SMURF1: variants seen among roughly 807,000 people sequenced by gnomAD.
SMURF1 encodes E3 ubiquitin-protein ligase SMURF1.
A neutral mutation model predicts 98.0 loss-of-function variants in SMURF1; 44 were observed. The observed-to-expected ratio is 0.45, with a 90% CI of 0.35 to 0.58. SMURF1 has a LOEUF of 0.58. SMURF1 is among the 20% of genes least tolerant of loss of function. The probability of loss-of-function intolerance (pLI) is 0.00; values close to 1 mark genes in which losing one functional copy is unlikely to be tolerated. For missense variants in SMURF1, 687 were observed against 938.4 expected (o/e 0.73, Z 3.50); for synonymous variants, 396 against 374.9 (o/e 1.06, Z -0.65).
intron 1 of SMURF1, among the ~76,000 whole-genome samples, chr7:99,134,631 TA>T (rs1797946550): frequency 6.6e-6 from 1 of 152,182 alleles, no homozygotes; most frequent in Non-Finnish European, 1.5e-5. Context: ...AACAATCCCT[TA>T]AAAAAGTTCA....
intron 12 of SMURF1, among the ~76,000 whole-genome samples, chr7:99,041,872 G>A (rs1004356036): frequency 6.6e-6 from 1 of 152,210 alleles, no homozygotes; most frequent in African/African-American, 2.4e-5. Context: ...AAGTGTGAGT[G>A]TATGAACAGC....
intron 16 of SMURF1, among the ~76,000 whole-genome samples, chr7:99,034,946 A>G (rs1795077085): frequency 6.6e-6 from 1 of 152,016 alleles, no homozygotes; most frequent in African/African-American, 2.4e-5. Flanking sequence ...CACTCACCTC[A>G]CTCCTTCCAG....
chr7:99,059,401 AAAAAATAAAAT>A (rs1359988960), intron 3 of SMURF1, among the ~76,000 whole-genome samples: 3 of 100,082 alleles, frequency 3.0e-5, no homozygotes, highest in African/African-American at 1.3e-4. Context: ...CCATCTCAAA[AAAAAATAAAAT>A]AAAATAAAAT....
In SMURF1 at chr7:99,038,456, C is replaced by T. The variant is rs773112900; in HGVS notation, c.1620G>A (p.Leu540=). ...CVEHNAFGRI[L]QHELKPNGRN... is the part of the protein sequence containing the mutation. ...TGCCATTGGGTTTCAGTTCATGCTG[C>T]AGGATCCGCCCGAAGGCGTTGTGTT... The change falls in exon 14 of 18, where the codon CTG becomes CTA. Residue 540 remains leucine (L), a synonymous_variant. Transcript: ENST00000361368. 1 of 1,614,250 alleles carries T rather than the reference C, an allele frequency of 6.2e-7. No homozygotes were observed. The highest frequency in any genetic ancestry group is 8.5e-7 in the Non-Finnish European group (1 of 1,180,052).
At chr7:99,137,072 T>C (rs1265857620) in intron 1 of SMURF1, among the ~76,000 whole-genome samples, 1 of 152,252 alleles carries the variant, frequency 6.6e-6, no homozygotes, top group Admixed American at 6.5e-5. Flanking sequence ...CTAAGGAATT[T>C]CTGAATACAT....
intron 1 of SMURF1, among the ~76,000 whole-genome samples, chr7:99,115,952 G>A (rs931040733): frequency 2.0e-5 from 3 of 152,020 alleles, no homozygotes; most frequent in Middle Eastern, 3.4e-3. Flanking sequence ...AACTCATTCT[G>A]TGAGGCCAGT....
intron 1 of SMURF1, among the ~76,000 whole-genome samples, chr7:99,123,476 G>T (rs1347091265): frequency 6.6e-6 from 1 of 152,186 alleles, no homozygotes; most frequent in African/African-American, 2.4e-5. Flanking sequence ...TGAGGCTATA[G>T]TGAGCTATGA....
intron 1 of SMURF1, among the ~76,000 whole-genome samples, chr7:99,142,505 G>C (rs1798147931): frequency 6.6e-6 from 1 of 151,238 alleles, no homozygotes; most frequent in African/African-American, 2.4e-5. Flanking sequence ...ATAGGATTGA[G>C]GAATTTCAGG....
At chr7:99,071,681 G>T (rs1341333566) in intron 1 of SMURF1, among the ~76,000 whole-genome samples, 1 of 152,140 alleles carries the variant, frequency 6.6e-6, no homozygotes, top group Admixed American at 6.5e-5. Context: ...GCTTTGGAAG[G>T]TAAGAAAAGT....
At position 99,059,453 on chromosome 7, in the gene SMURF1, A is replaced by AAAATAAAATAAAAT. The variant is rs1563010689; in HGVS notation, c.203+1132_203+1145dup. Among the ~76,000 whole-genome samples, 3 of 149,108 alleles carry AAAATAAAATAAAAT rather than the reference A, an allele frequency of 2.0e-5. 1 individual carries two copies. The highest frequency in any genetic ancestry group is 7.4e-5 in the African/African-American group (3 of 40,388). ...AAAATAAAATAAAATAAAATAAAAT[A>AAAATAAAATAAAAT]AAATAAAATAAAATAGTGGTCTTCA... On this transcript the variant is annotated intron_variant, in intron 3 of 17. Coordinates refer to ENST00000361368, the MANE Select transcript of SMURF1 (RefSeq NM_181349.3).
At chr7:99,046,741 A>AC (rs1277078308) in intron 10 of SMURF1, among the ~76,000 whole-genome samples, 15 of 150,528 alleles carry the variant, frequency 1.0e-4, no homozygotes, top group Non-Finnish European at 7.4e-5. Context: ...CAAAAAAAAA[A>AC]AAAAAAAAAA....
chr7:99,139,344 T>C (rs1466885800), intron 1 of SMURF1, among the ~76,000 whole-genome samples: 3 of 152,222 alleles, frequency 2.0e-5, no homozygotes, highest in Non-Finnish European at 4.4e-5. Context: ...TGTTTGGAAT[T>C]AGAGTTTTTC....
chr7:99,038,293 G>A, intron 14 of SMURF1, 95 bp downstream of exon 14: 6 of 1,415,794 alleles, frequency 4.2e-6, no homozygotes, highest in Non-Finnish European at 5.8e-6. Context: ...AGCCATCAGG[G>A]ACATGCAGGC....
intron 10 of SMURF1, 103 bp downstream of exon 10, chr7:99,047,581 C>CTAA: frequency 1.7e-6 from 2 of 1,202,224 alleles, no homozygotes; most frequent in Non-Finnish European, 2.4e-6. Context: ...CAAAGCAGTT[C>CTAA]ATTTAAAGCA....
intron 1 of SMURF1, among the ~76,000 whole-genome samples, chr7:99,133,513 C>T (rs902916496): frequency 4.6e-5 from 7 of 152,256 alleles, no homozygotes; most frequent in Non-Finnish European, 8.8e-5. Context: ...AAAGAAAACA[C>T]GCAGATTGGC....
chr7:99,092,419 C>A (rs1796832445), intron 1 of SMURF1, among the ~76,000 whole-genome samples: 1 of 152,156 alleles, frequency 6.6e-6, no homozygotes, highest in East Asian at 1.9e-4. Context: ...AAAATCAATA[C>A]TCGTGGCACC....
intron 10 of SMURF1, among the ~76,000 whole-genome samples, chr7:99,046,900 A>G (rs1795600232): frequency 6.6e-6 from 1 of 152,066 alleles, no homozygotes; most frequent in African/African-American, 2.4e-5. Flanking sequence ...TGCCCATCCA[A>G]CACTCAGGCC....
chr7:99,044,610 T>C (rs1795513351), intron 11 of SMURF1, among the ~76,000 whole-genome samples: 1 of 152,136 alleles, frequency 6.6e-6, no homozygotes. Context: ...AATATCCTGT[T>C]CTTATGCAAA....
chr7:99,070,856 G>A (rs932093109), intron 1 of SMURF1, among the ~76,000 whole-genome samples: 4 of 152,074 alleles, frequency 2.6e-5, no homozygotes, highest in South Asian at 2.1e-4. Context: ...ACAATGTGAT[G>A]TGTCTGACTC....
Sources: gnomAD v4.1 joint callset for allele counts (sites outside exome capture counted in the v4.1 genomes callset) on GRCh38, gnomAD v4.1.1 for gene constraint, MANE v1.5 for transcripts, NCBI Gene and HGNC (gene_info 2026-07-23, HGNC 2026-07-21) for gene names.